The following DOCK7 variants were observed in gnomAD, a reference collection of about 807,000 sequenced individuals.
DOCK7 encodes the protein dedicator of cytokinesis protein 7.
Under a neutral mutation model 271.0 loss-of-function variants are expected in DOCK7, and 138 were observed. The observed-to-expected ratio is 0.51, with a 90% CI of 0.44 to 0.59. The LOEUF is 0.59. DOCK7 is among the 20% of genes least tolerant of loss of function. The pLI is 0.00. For synonymous variants in DOCK7, 823 were observed against 876.1 expected (o/e 0.94, Z 1.07); for missense variants, 2,066 against 2,592.4 (o/e 0.80, Z 4.41).
In DOCK7 at chr1:62,524,684, G is replaced by A. The variant is rs373363240; in HGVS notation, c.3936+3467C>T. 1.4e-4 allele frequency among the ~76,000 whole-genome samples: 22 copies of A among 151,908 alleles called. 1 individual carries two copies. The East Asian group carries it at 1.9e-3, about 13-fold the overall frequency. Reference sequence around the variant, plus strand: ...AGGCCGAGGCAGGTGGATCAACTGAGGTCAGGAGTTTGAGACCAGCCTGGC... The same window carrying A: ...AGGCCGAGGCAGGTGGATCAACTGAAGTCAGGAGTTTGAGACCAGCCTGGC... On this transcript the variant is annotated intron_variant, in intron 31 of 49. Coordinates refer to ENST00000635253, the MANE Select transcript of DOCK7 (RefSeq NM_001367561.1).
chr1:62,671,713 CATT>C (rs941891513), intron 1 of DOCK7, among the ~76,000 whole-genome samples: 1 of 152,068 alleles, frequency 6.6e-6, no homozygotes, highest in African/African-American at 2.4e-5. Context: ...TAGTTGAGAT[CATT>C]ATTATCATCT....
At chr1:62,506,719 G>A (rs568690579) in intron 35 of DOCK7, among the ~76,000 whole-genome samples, 44 of 151,564 alleles carry the variant, frequency 2.9e-4, no homozygotes, top group African/African-American at 1.1e-3. Flanking sequence ...AGGCTGAGGT[G>A]GGTGGATCAC....
At chr1:62,527,414 C>T (rs1458658016) in intron 31 of DOCK7, among the ~76,000 whole-genome samples, 1 of 152,050 alleles carries the variant, frequency 6.6e-6, no homozygotes, top group Admixed American at 6.6e-5. Flanking sequence ...CACATGCACA[C>T]GTATGTTTAT....
At chr1:62,605,420 C>T (rs1008790747) in intron 14 of DOCK7, 2 of 153,256 alleles carry the variant, frequency 1.3e-5, no homozygotes, top group African/African-American at 4.8e-5. Context: ...GAATTAAATA[C>T]TGTATTAAAA....
At chr1:62,667,738 C>T (rs367739027) in intron 1 of DOCK7, among the ~76,000 whole-genome samples, 2 of 152,146 alleles carry the variant, frequency 1.3e-5, no homozygotes, top group East Asian at 1.9e-4. Context: ...AATAAATAGG[C>T]CGGGCGCAGT....
At chr1:62,519,912 C>T (rs1055648317) in intron 31 of DOCK7, among the ~76,000 whole-genome samples, 1 of 152,080 alleles carries the variant, frequency 6.6e-6, no homozygotes, top group Non-Finnish European at 1.5e-5. Flanking sequence ...GATACATAGA[C>T]CAAGGGAACA....
intron 21 of DOCK7, among the ~76,000 whole-genome samples, chr1:62,553,876 C>T: frequency 6.6e-6 from 1 of 151,364 alleles, no homozygotes; most frequent in Non-Finnish European, 1.5e-5. Context: ...CACGCACACG[C>T]AGCCCTTTCA....
chr1:62,486,173 G>T (rs1209994842), intron 43 of DOCK7: 1 of 152,010 alleles, frequency 6.6e-6, no homozygotes. Context: ...TAGGAATGAG[G>T]ATTATATTTT....
chr1:62,527,146 A>G (rs1645034616), intron 31 of DOCK7, among the ~76,000 whole-genome samples: 1 of 152,168 alleles, frequency 6.6e-6, no homozygotes, highest in East Asian at 1.9e-4. Context: ...GTCATTTAAA[A>G]CTTTTAGAAC....
intron 18 of DOCK7, among the ~76,000 whole-genome samples, chr1:62,564,809 A>C (rs922374150): frequency 1.3e-5 from 2 of 152,192 alleles, no homozygotes; most frequent in African/African-American, 4.8e-5. Context: ...AAGCCAGACT[A>C]ATAAAGAACA....
chr1:62,483,152 T>C (rs1245744327), intron 43 of DOCK7: 1 of 141,840 alleles, frequency 7.1e-6, no homozygotes, highest in Non-Finnish European at 1.5e-5. Context: ...GGACCACAGG[T>C]ACACACCACC....
intron 14 of DOCK7, among the ~76,000 whole-genome samples, chr1:62,589,639 A>C (rs955155570): frequency 1.3e-5 from 2 of 152,024 alleles, no homozygotes; most frequent in African/African-American, 2.4e-5. Flanking sequence ...AAAAAAAAAA[A>C]GTATCCAGAC....
intron 1 of DOCK7, among the ~76,000 whole-genome samples, 197 bp from the exon 2 acceptor site, chr1:62,663,327 T>C (rs1302805781): frequency 6.6e-6 from 1 of 152,130 alleles, no homozygotes; most frequent in East Asian, 1.9e-4. Context: ...ACGTCTTATG[T>C]TGATGTAGGG....
At position 62,494,301 on chromosome 1, in the gene DOCK7, G is replaced by A. The variant is rs1182815888; in HGVS notation, c.5191C>T (p.Leu1731Phe). Residue 1731 changes from leucine to phenylalanine, a missense_variant, in exon 40 of 50, where the codon CTT becomes TTT. Leu to Phe is a conservative substitution (Grantham distance 22, BLOSUM62 0). Around this residue, in one of 2 missense-constraint regions of DOCK7, gnomAD observed 652 missense variants for 922.1 expected, o/e 0.71. Transcript: ENST00000635253. ...TGAAATGTTACACATCCCACAGGAA[G>A]ATATTTCCGGTCCTCCAGCATGCTC... ...YLSMLEDRKY[L>F]PVGCVTFQNI... 2 of 1,600,958 alleles carry A rather than the reference G, an allele frequency of 1.2e-6. No individual in the cohort carries two copies. The highest frequency in any genetic ancestry group is 2.7e-5 in the African/African-American group (2 of 74,708).
At position 62,663,117 on chromosome 1, in the gene DOCK7, C is replaced by G; in HGVS notation, c.52G>C (p.Glu18Gln). 1 of 1,611,744 alleles carries G rather than the reference C, an allele frequency of 6.2e-7. No individual in the cohort carries two copies. Among genetic ancestry groups the G allele is most frequent in the Non-Finnish European group, 8.5e-7 (1 of 1,179,066 alleles). The change falls in exon 2 of 50, where the codon GAA becomes CAA. Residue 18 changes from glutamate to glutamine, a missense_variant. Coordinates refer to ENST00000635253, the MANE Select transcript of DOCK7 (RefSeq NM_001367561.1). ...TGTCCGGAGATCTGCTTCCTAACTT[C>G]GGCTGCCACCGTTCTACAATGAAGA... is the stretch of plus-strand genomic sequence containing the variant. ...AQKISRTVAA[E>Q]VRKQISGQYS...
Position 62,504,684 on chromosome 1 carries a change from T to TGAC in DOCK7, c.4707_4709dup (p.Ser1570dup). The TGAC allele has an allele frequency of 1.2e-6, 2 of 1,614,120 alleles. No individual in the cohort carries two copies. Among genetic ancestry groups the TGAC allele is most frequent in the Non-Finnish European group, 1.7e-6 (2 of 1,179,998 alleles). ...GTAGGTAAAGGGAGGCACTGGCGTG[T>TGAC]GACCGTATTGTACCGATGCTACTGC... On this transcript the variant is annotated inframe_insertion, in exon 37 of 50. Coordinates refer to ENST00000635253, the MANE Select transcript of DOCK7 (RefSeq NM_001367561.1).
At chr1:62,542,492 C>A in intron 25 of DOCK7, 116 bp downstream of exon 25, 1 of 957,154 alleles carries the variant, frequency 1.0e-6, no homozygotes, top group Non-Finnish European at 1.6e-6. Context: ...CTTAGAGGCA[C>A]ATGGAAAAGC....
intron 1 of DOCK7, 23 bp downstream of exon 1, chr1:62,688,204 C>A: frequency 7.3e-7 from 1 of 1,368,974 alleles, no homozygotes; most frequent in South Asian, 1.7e-5. Flanking sequence ...GCGGCGGCGG[C>A]GCGCCCCACG....
chr1:62,522,830 T>C (rs1374586852), intron 31 of DOCK7, among the ~76,000 whole-genome samples: 2 of 152,126 alleles, frequency 1.3e-5, no homozygotes, highest in African/African-American at 4.8e-5. Flanking sequence ...ATAAAAATCA[T>C]TGTACAAAAA....
Sources: allele counts gnomAD v4.1 joint callset (sites outside exome capture counted in the v4.1 genomes callset), GRCh38; gene constraint gnomAD v4.1.1; regional missense constraint gnomAD v4.1.1; transcripts MANE v1.5; gene names NCBI Gene and HGNC (gene_info 2026-07-23, HGNC 2026-07-21).